NPAS3: variants seen among roughly 807,000 people sequenced by gnomAD.
NPAS3 encodes neuronal PAS domain protein 3, also known as neuronal PAS domain-containing protein 3.
In NPAS3, 14 loss-of-function variants were observed where a neutral mutation model predicts 73.1. That is an observed-to-expected ratio of 0.19 (90% CI 0.13 to 0.30). The LOEUF (loss-of-function observed/expected upper bound fraction) is 0.30, where lower values mean the gene tolerates loss of function less well. Among genes scored for constraint, NPAS3 ranks in the 10% least tolerant of loss-of-function variants. The pLI, the probability that NPAS3 is intolerant of heterozygous loss-of-function variation, is 1.00. For missense variants in NPAS3, 1,096 were observed against 1,250.0 expected, an observed-to-expected ratio of 0.88 and a Z score of 1.86; for synonymous variants, 620 against 541.5, an observed-to-expected ratio of 1.14 and a Z score of -2.01.
At chr14:32,957,548 A>G (rs2036727517) in intron 1 of NPAS3, among the ~76,000 whole-genome samples, 1 of 151,410 alleles carries the variant, frequency 6.6e-6, no homozygotes, top group African/African-American at 2.4e-5. Flanking sequence ...ATTTTTTTGT[A>G]TTTTTAGTAT....
chr14:33,102,312 A>G (rs111464551), intron 2 of NPAS3, among the ~76,000 whole-genome samples: 7 of 152,258 alleles, frequency 4.6e-5, no homozygotes, highest in African/African-American at 1.4e-4. Context: ...AGCCTTGGAG[A>G]AAACTGCCTT....
intron 5 of NPAS3, among the ~76,000 whole-genome samples, chr14:33,563,369 G>A (rs2055747134): frequency 1.3e-5 from 2 of 152,046 alleles, no homozygotes; most frequent in African/African-American, 4.8e-5. Flanking sequence ...TCTCCCTTGG[G>A]TGGGACAGCT....
chr14:33,408,519 T>C (rs1458205355), intron 4 of NPAS3, among the ~76,000 whole-genome samples: 3 of 152,184 alleles, frequency 2.0e-5, no homozygotes, highest in Non-Finnish European at 4.4e-5. Flanking sequence ...CTGGAGGCCA[T>C]TGGCCACCAT....
chr14:33,444,121 C>T (rs777645352), intron 4 of NPAS3, among the ~76,000 whole-genome samples: 11 of 152,260 alleles, frequency 7.2e-5, no homozygotes, highest in South Asian at 4.2e-4. Context: ...GATTTAGAAT[C>T]CCTAGTCATG....
chr14:33,233,248 C>T (rs994456331), intron 3 of NPAS3, among the ~76,000 whole-genome samples: 2 of 151,894 alleles, frequency 1.3e-5, no homozygotes, highest in Non-Finnish European at 1.5e-5. Flanking sequence ...CAATGAACCC[C>T]GAATGCTATA....
chr14:33,649,429 C>T (rs1371724372), intron 5 of NPAS3, among the ~76,000 whole-genome samples: 2 of 152,224 alleles, frequency 1.3e-5, no homozygotes, highest in East Asian at 1.9e-4. Context: ...CTTAGTATGT[C>T]TGGGATGCCA....
intron 3 of NPAS3, among the ~76,000 whole-genome samples, chr14:33,216,580 C>A (rs2047232217): frequency 6.6e-6 from 1 of 152,122 alleles, no homozygotes; most frequent in South Asian, 2.1e-4. Context: ...CAACAGTTGG[C>A]AAACATTTTC....
At chr14:33,037,443 G>C (rs1423227793) in intron 1 of NPAS3, among the ~76,000 whole-genome samples, 1 of 149,478 alleles carries the variant, frequency 6.7e-6, no homozygotes, top group Non-Finnish European at 1.5e-5. Flanking sequence ...CCATGAGTTT[G>C]AGACCAGCCT....
At chr14:33,476,695 AC>A (rs1377796513) in intron 4 of NPAS3, among the ~76,000 whole-genome samples, 1 of 152,170 alleles carries the variant, frequency 6.6e-6, no homozygotes, top group African/African-American at 2.4e-5. Context: ...AAATACTGGA[AC>A]TTCATTATTT....
intron 2 of NPAS3, among the ~76,000 whole-genome samples, chr14:33,069,595 C>T (rs989594671): frequency 1.3e-5 from 2 of 152,138 alleles, no homozygotes; most frequent in Non-Finnish European, 2.9e-5. Context: ...GCCTGTTTCC[C>T]ACCTTTCTCA....
exon 2 of NPAS3, chr14:33,055,976 G>A: frequency 1.2e-6 from 1 of 810,220 alleles, no homozygotes; most frequent in Non-Finnish European, 2.1e-6. Flanking sequence ...GGAATCTACT[G>A]TGAATCTACC....
intron 6 of NPAS3, among the ~76,000 whole-genome samples, chr14:33,700,919 G>T (rs967487480): frequency 6.6e-6 from 1 of 152,196 alleles, no homozygotes; most frequent in African/African-American, 2.4e-5. Flanking sequence ...GTCAAGTACA[G>T]ATAAAGCACC....
intron 4 of NPAS3, among the ~76,000 whole-genome samples, chr14:33,455,890 C>A (rs1566919180): frequency 6.6e-6 from 1 of 152,082 alleles, no homozygotes; most frequent in East Asian, 1.9e-4. Flanking sequence ...CTGTTAACAG[C>A]AATGGGAATT....
chr14:33,080,205 T>G (rs2041821394), intron 2 of NPAS3, among the ~76,000 whole-genome samples: 1 of 152,056 alleles, frequency 6.6e-6, no homozygotes, highest in African/African-American at 2.4e-5. Context: ...CCTCCGGGGT[T>G]CACACCATTC....
chr14:33,040,554 A>G (rs1226221843), intron 1 of NPAS3, among the ~76,000 whole-genome samples: 2 of 152,082 alleles, frequency 1.3e-5, no homozygotes, highest in African/African-American at 4.8e-5. Flanking sequence ...TGCATCAGCA[A>G]TGATACTTTA....
chr14:33,364,307 GATT>G (rs1192051712), intron 3 of NPAS3, among the ~76,000 whole-genome samples: 1 of 152,184 alleles, frequency 6.6e-6, no homozygotes, highest in Non-Finnish European at 1.5e-5. Context: ...TTAGTTATCA[GATT>G]ATTGTCTCAG....
chr14:32,958,297 T>A (rs567334696), intron 1 of NPAS3, among the ~76,000 whole-genome samples: 1 of 152,298 alleles, frequency 6.6e-6, no homozygotes, highest in South Asian at 2.1e-4. Context: ...TTATCTTCAG[T>A]CTTTCCTTAA....
At chr14:32,976,476 G>A (rs575190146) in intron 1 of NPAS3, among the ~76,000 whole-genome samples, 1 of 151,942 alleles carries the variant, frequency 6.6e-6, no homozygotes, top group South Asian at 2.1e-4. Context: ...TTATATATTC[G>A]TACTTTAGAA....
At chr14:33,160,596 A>T (rs1326239191) in intron 2 of NPAS3, among the ~76,000 whole-genome samples, 6 of 151,790 alleles carry the variant, frequency 4.0e-5, no homozygotes, top group Admixed American at 2.6e-4. Context: ...CATATGTAAC[A>T]AACCTGCACG....
Sources: gnomAD v4.1 joint callset for allele counts (sites outside exome capture counted in the v4.1 genomes callset) on GRCh38, gnomAD v4.1.1 for gene constraint, MANE v1.5 for transcripts, NCBI Gene and HGNC (gene_info 2026-07-23, HGNC 2026-07-21) for gene names.